Variants in NUMB observed in about 807,000 individuals in gnomAD.
NUMB encodes the protein NUMB endocytic adaptor protein.
A neutral mutation model predicts 59.7 loss-of-function variants in NUMB; 29 were observed. The ratio of observed to expected loss-of-function variants is 0.49; its 90% CI spans 0.36 to 0.66. NUMB has a LOEUF of 0.66. NUMB is among the 30% of genes least tolerant of loss of function. The pLI is 0.00. For missense variants in NUMB, 723 were observed against 822.0 expected (o/e 0.88, Z 1.47); for synonymous variants, 288 against 288.2 (o/e 1.00, Z 0.01).
intron 1 of NUMB, among the ~76,000 whole-genome samples, chr14:73,432,598 A>G (rs1266613447): frequency 6.6e-6 from 1 of 152,154 alleles, no homozygotes; most frequent in African/African-American, 2.4e-5. Flanking sequence ...GCCAAATCAT[A>G]CGGGCAGGAT....
chr14:73,368,771 A>C (rs1894514067), intron 2 of NUMB, among the ~76,000 whole-genome samples: 1 of 152,178 alleles, frequency 6.6e-6, no homozygotes, highest in Non-Finnish European at 1.5e-5. Context: ...TGTATGACAA[A>C]ATACAGCAAA....
intron 1 of NUMB, among the ~76,000 whole-genome samples, chr14:73,453,669 G>A (rs1197571290): frequency 2.0e-5 from 3 of 148,562 alleles, no homozygotes; most frequent in Non-Finnish European, 4.4e-5. Context: ...GTGCAGTGGC[G>A]CGATCTCAGC....
At chr14:73,404,933 A>G (rs564109068) in intron 2 of NUMB, among the ~76,000 whole-genome samples, 1 of 151,858 alleles carries the variant, frequency 6.6e-6, no homozygotes, top group African/African-American at 2.4e-5. Flanking sequence ...GCTAATTTTT[A>G]TATTTTCAGT....
chr14:73,414,999 G>A lies in NUMB; in HGVS notation c.-232-4931C>T, dbSNP rs867903429. Reference sequence around the variant, plus strand: ...CCTCCCAAAGTGCTGGGATACAGGTGCGCTACCACGCCCAGCTGATAATGA... The same window carrying A: ...CCTCCCAAAGTGCTGGGATACAGGTACGCTACCACGCCCAGCTGATAATGA... On this transcript the variant is annotated intron_variant, in intron 1 of 12. Coordinates refer to ENST00000555238, the MANE Select transcript of NUMB (RefSeq NM_001005743.2). Among the ~76,000 whole-genome samples the A allele has an allele frequency of 2.6e-5, 4 of 152,062 alleles. No individual in the cohort carries two copies. In the South Asian group the frequency reaches 8.3e-4, roughly 32 times the overall value.
At chr14:73,440,827 CAAAAAAAAAA>C (rs397713746) in intron 1 of NUMB, among the ~76,000 whole-genome samples, 3 of 47,824 alleles carry the variant, frequency 6.3e-5, no homozygotes, top group Non-Finnish European at 1.3e-4. Context: ...GACTCCGTCT[CAAAAAAAAAA>C]AAAAAAAAAA....
intron 4 of NUMB, among the ~76,000 whole-genome samples, chr14:73,349,051 T>C (rs1893060612): frequency 6.6e-6 from 1 of 152,260 alleles, no homozygotes; most frequent in African/African-American, 2.4e-5. Context: ...TGTGTCTTAA[T>C]ATTTCTTAAA....
At chr14:73,338,032 C>T (rs1265271974) in intron 4 of NUMB, among the ~76,000 whole-genome samples, 1 of 152,142 alleles carries the variant, frequency 6.6e-6, no homozygotes, top group Non-Finnish European at 1.5e-5. Flanking sequence ...CACCTGTAAT[C>T]CCAGCACTTT....
chr14:73,369,297 T>C (rs368853969), intron 2 of NUMB, among the ~76,000 whole-genome samples: 4 of 152,232 alleles, frequency 2.6e-5, no homozygotes, highest in East Asian at 3.9e-4. Context: ...TGCCTCAGCC[T>C]CCCAAAGTGT....
In NUMB at chr14:73,275,306, GT is replaced by G. The variant is rs1289178944; in HGVS notation, c.*1271del. ...ACTTACATTTGATTGTAAGGCCAAC[GT>G]TCAAAAGTAAAAATGAGATGAGCTC... On this transcript the variant is annotated 3_prime_UTR_variant, in exon 13 of 13. Coordinates refer to ENST00000555238, the MANE Select transcript of NUMB (RefSeq NM_001005743.2). 1 of 152,456 alleles carries G rather than the reference GT, an allele frequency of 6.6e-6. No homozygotes were observed. Among genetic ancestry groups the G allele is most frequent in the African/African-American group, 2.4e-5 (1 of 41,392 alleles). The allele number at this position is 152,456 out of a possible 1,614,324, so 9.4% of individuals were successfully genotyped here.
chr14:73,315,948 G>T (rs867837347), intron 6 of NUMB, among the ~76,000 whole-genome samples: 2 of 152,024 alleles, frequency 1.3e-5, no homozygotes, highest in Admixed American at 6.6e-5. Context: ...GTGCAGTGGC[G>T]TGATCTCGGC....
At position 73,396,390 on chromosome 14, in the gene NUMB, C is replaced by T. The variant is rs139560823; in HGVS notation, c.-101+13547G>A. Among the ~76,000 whole-genome samples, 416 of 151,570 alleles carry T rather than the reference C, an allele frequency of 2.7e-3. 3 individuals are homozygous for T. Among genetic ancestry groups the T allele is most frequent in the Middle Eastern group, 6.8e-3 (2 of 294 alleles). The stretch of plus-strand genomic sequence containing the variant: ...AGCAACAAGGTCTTGCTCTGTGGCC[C>T]GAGCTGGAGTACAGTGGCACAATCA... On this transcript the variant is annotated intron_variant, in intron 2 of 12. Transcript: ENST00000555238.
In NUMB at chr14:73,277,253, A is replaced by C; in HGVS notation, c.1281T>G (p.Gly427=). ...WGQSSGAASP[G]LFQAGHRRTP... is the part of the protein sequence containing the mutation. Reference sequence around the variant, plus strand: ...TACGTCTATGACCGGCCTGGAAGAGACCTGGAGAGGCAGCACCAGAAGATT... The same window carrying C: ...TACGTCTATGACCGGCCTGGAAGAGCCCTGGAGAGGCAGCACCAGAAGATT... The change falls in exon 13 of 13, where the codon GGT becomes GGG. Residue 427 remains glycine (G), a synonymous_variant. Transcript: ENST00000555238. 6.2e-7 allele frequency: 1 copy of C among 1,606,890 alleles called. No individual in the cohort carries two copies. Among genetic ancestry groups the C allele is most frequent in the Non-Finnish European group, 8.5e-7 (1 of 1,174,080 alleles).
chr14:73,282,349 G>A lies in NUMB; in HGVS notation c.1096+10C>T. On this transcript the variant is annotated intron_variant, in intron 11 of 12. Coordinates refer to ENST00000555238, the MANE Select transcript of NUMB (RefSeq NM_001005743.2). ...AAAGAGAACAGCTGAGCAGGTCAGA[G>A]GGCACCAACCTTGGAAGGTAGGAGA... The A allele has an allele frequency of 1.9e-6, 3 of 1,613,866 alleles. No individual in the cohort carries two copies. Among genetic ancestry groups the A allele is most frequent in the Admixed American group, 1.7e-5 (1 of 59,978 alleles).
At chr14:73,434,222 G>C (rs763723513) in intron 1 of NUMB, among the ~76,000 whole-genome samples, 1 of 152,132 alleles carries the variant, frequency 6.6e-6, no homozygotes, top group Non-Finnish European at 1.5e-5. Context: ...ATGAGCTCTG[G>C]AGCCAAACTA....
intron 2 of NUMB, among the ~76,000 whole-genome samples, chr14:73,392,084 G>A (rs1895883022): frequency 6.6e-6 from 1 of 152,120 alleles, no homozygotes; most frequent in South Asian, 2.1e-4. Context: ...GATTCCTGTA[G>A]GATTGCAACT....
chr14:73,458,175 A>C (rs982472535), intron 1 of NUMB: 1 of 151,326 alleles, frequency 6.6e-6, no homozygotes. Flanking sequence ...TACTCCTCAC[A>C]CAGTGGCCGC....
intron 3 of NUMB, among the ~76,000 whole-genome samples, chr14:73,356,704 A>AT (rs533921742): frequency 7.2e-5 from 11 of 151,832 alleles, no homozygotes; most frequent in Admixed American, 5.9e-4. Flanking sequence ...GAGAAAAAAC[A>AT]TTTTTTTTCA....
chr14:73,392,737 A>G (rs1895913535), intron 2 of NUMB, among the ~76,000 whole-genome samples: 1 of 152,210 alleles, frequency 6.6e-6, no homozygotes, highest in South Asian at 2.1e-4. Flanking sequence ...CTATTATATT[A>G]AGACACCATG....
chr14:73,276,441 G>A lies in NUMB; in HGVS notation c.*137C>T, dbSNP rs534948337. 1 of 664,142 alleles carries A rather than the reference G, an allele frequency of 1.5e-6. No homozygotes were observed. The allele number at this position is 664,142 out of a possible 1,614,324, so 41.1% of individuals were successfully genotyped here. A position where few individuals can be genotyped will look rare whatever the true frequency, so the allele number is the denominator to read the frequency against. On this transcript the variant is annotated 3_prime_UTR_variant, in exon 13 of 13. Transcript: ENST00000555238. ...CAAAATCACCCCTCACAGTACTCTGGGCCTGGACTTGTTCCTTGGGACCTT... is the reference window on the plus strand; with the variant it reads ...CAAAATCACCCCTCACAGTACTCTGAGCCTGGACTTGTTCCTTGGGACCTT...
Sources: gnomAD v4.1 joint callset for allele counts (sites outside exome capture counted in the v4.1 genomes callset) on GRCh38, gnomAD v4.1.1 for gene constraint, MANE v1.5 for transcripts, NCBI Gene and HGNC (gene_info 2026-07-23, HGNC 2026-07-21) for gene names.